KDM2B: variants seen among roughly 807,000 people sequenced by gnomAD.
KDM2B encodes the protein lysine-specific demethylase 2B.
Under a neutral mutation model 150.0 loss-of-function variants are expected in KDM2B, and 26 were observed. That is an observed-to-expected ratio of 0.17 (90% CI 0.13 to 0.24). The LOEUF is 0.24. Ranked by LOEUF, KDM2B falls within the 10% of genes least tolerant of loss-of-function variation. The pLI is 1.00. For missense variants in KDM2B, 1,265 were observed against 1,816.9 expected (o/e 0.70, Z 5.52); for synonymous variants, 734 against 729.5 (o/e 1.01, Z -0.10).
chr12:121,577,307 C>T (rs1891564320), intron 2 of KDM2B, among the ~76,000 whole-genome samples: 1 of 152,146 alleles, frequency 6.6e-6, no homozygotes, highest in East Asian at 1.9e-4. Context: ...GAATTCCTCC[C>T]AAATGACTAG....
intron 4 of KDM2B, among the ~76,000 whole-genome samples, chr12:121,555,038 T>C (rs1889793733): frequency 6.6e-6 from 1 of 152,074 alleles, no homozygotes; most frequent in African/African-American, 2.4e-5. Flanking sequence ...ATTTAAAAAT[T>C]ATCTGTGCAT....
Position 121,443,788 on chromosome 12 carries a change from T to G in KDM2B, c.2457A>C (p.Ser819=). The G allele has an allele frequency of 6.3e-7, 1 of 1,590,828 alleles. No individual in the cohort carries two copies. The highest frequency in any genetic ancestry group is 8.6e-7 in the Non-Finnish European group (1 of 1,167,156). The part of the protein sequence containing the change: ...PQELSGRKRA[S]SLQTSPGSSS... ...AGGAACCGGGGGACGTTTGAAGCGA[T>G]GAGGCCTAAAGGGGGGTGGAGTGGG... Residue 819 remains serine (S), a synonymous_variant, in exon 17 of 23, where the codon TCA becomes TCC. Transcript: ENST00000377071.
intron 2 of KDM2B, among the ~76,000 whole-genome samples, chr12:121,578,016 G>C (rs1422845255): frequency 2.0e-5 from 3 of 152,190 alleles, no homozygotes; most frequent in Non-Finnish European, 4.4e-5. Flanking sequence ...TCTCAATTGG[G>C]TGGGCCCACA....
intron 6 of KDM2B, among the ~76,000 whole-genome samples, chr12:121,545,662 C>T (rs77076597): frequency 1.3e-5 from 2 of 152,172 alleles, no homozygotes; most frequent in Non-Finnish European, 2.9e-5. Flanking sequence ...CACACCATGC[C>T]GTGGCCTCCT....
intron 11 of KDM2B, among the ~76,000 whole-genome samples, chr12:121,506,990 G>A (rs766978307): frequency 1.3e-5 from 2 of 151,832 alleles, no homozygotes; most frequent in Non-Finnish European, 2.9e-5. Context: ...CCAGCTACTC[G>A]GGAGGCTGAG....
chr12:121,507,935 T>G (rs1555303195), intron 11 of KDM2B, among the ~76,000 whole-genome samples: 2 of 152,130 alleles, frequency 1.3e-5, no homozygotes, highest in Admixed American at 1.3e-4. Context: ...CACTTGAGCC[T>G]GGGAGGTCGA....
chr12:121,547,482 G>A (rs1889147305), intron 6 of KDM2B, among the ~76,000 whole-genome samples: 1 of 152,120 alleles, frequency 6.6e-6, no homozygotes, highest in Non-Finnish European at 1.5e-5. Flanking sequence ...CTGAATTAAG[G>A]GCTGAGTGAA....
intron 6 of KDM2B, among the ~76,000 whole-genome samples, chr12:121,545,783 G>A (rs1202853077): frequency 1.3e-5 from 2 of 152,132 alleles, no homozygotes; most frequent in Non-Finnish European, 2.9e-5. Flanking sequence ...GATTCCAGCT[G>A]TTCTTACAGG....
intron 3 of KDM2B, 116 bp from the exon 4 acceptor site, chr12:121,574,709 A>T: frequency 1.1e-6 from 1 of 910,654 alleles, no homozygotes; most frequent in Non-Finnish European, 1.7e-6. Context: ...TCAGTTTGGG[A>T]ACTCAAAATG....
At chr12:121,433,578 A>G (rs563086890) in intron 22 of KDM2B, among the ~76,000 whole-genome samples, 45 of 152,334 alleles carry the variant, frequency 3.0e-4, no homozygotes, top group African/African-American at 1.1e-3. Flanking sequence ...AGCATTGCTG[A>G]AAAAAACTAA....
chr12:121,580,473 C>T, intron 1 of KDM2B: 2 of 1,190,770 alleles, frequency 1.7e-6, no homozygotes, highest in East Asian at 4.9e-5. Context: ...ACGAGTGCGC[C>T]TCTGCACGCA....
Position 121,574,580 on chromosome 12 carries a change from C to T in KDM2B, c.364G>A (p.Asp122Asn), listed in dbSNP as rs200568346. ...AGTTTGACGTCTCGGACTGTGAAAT[C>T]AGGGTCAGGCATCCTGGGGAAAGAG... ...DGLGIKMPDP[D>N]FTVRDVKLLV... is the part of the protein sequence containing the mutation. Residue 122 changes from aspartate to asparagine, a missense_variant, in exon 4 of 23, where the codon GAT becomes AAT. Physicochemically the swap from Asp to Asn is conservative, Grantham distance 23. Coordinates refer to ENST00000377071, the MANE Select transcript of KDM2B (RefSeq NM_032590.5). 1.3e-4 allele frequency: 217 copies of T among 1,613,884 alleles called. No homozygotes were observed. The highest frequency in any genetic ancestry group is 1.7e-4 in the Non-Finnish European group (204 of 1,179,920).
the KDM2B span, chr12:121,409,360 A>T: frequency 1.3e-5 from 2 of 152,186 alleles, no homozygotes; most frequent in Non-Finnish European, 2.9e-5. Context: ...CAACAGAAAA[A>T]CATGTAGACA....
chr12:121,516,718 G>C, intron 9 of KDM2B: 1 of 631,282 alleles, frequency 1.6e-6, no homozygotes, highest in East Asian at 2.7e-5. Context: ...GCCCTTCCTC[G>C]GAGGTCCAAG....
chr12:121,458,318 C>A (rs1022146539), intron 12 of KDM2B, among the ~76,000 whole-genome samples: 1 of 152,034 alleles, frequency 6.6e-6, no homozygotes, highest in Non-Finnish European at 1.5e-5. Flanking sequence ...AGAGGTTGCA[C>A]TGAGCTGAGA....
At chr12:121,538,828 C>T (rs994733838) in intron 6 of KDM2B, among the ~76,000 whole-genome samples, 1 of 152,132 alleles carries the variant, frequency 6.6e-6, no homozygotes, top group African/African-American at 2.4e-5. Flanking sequence ...AGTCCCTCAG[C>T]TTTGCCCCCA....
intron 4 of KDM2B, among the ~76,000 whole-genome samples, chr12:121,563,582 G>A (rs1178480521): frequency 1.3e-5 from 2 of 151,480 alleles, no homozygotes; most frequent in Non-Finnish European, 2.9e-5. Flanking sequence ...ACTTCAGCCT[G>A]GGTGATAGAG....
chr12:121,459,338 A>G (rs1878763672), intron 12 of KDM2B, among the ~76,000 whole-genome samples: 1 of 152,204 alleles, frequency 6.6e-6, no homozygotes, highest in African/African-American at 2.4e-5. Flanking sequence ...CAAAAGAACA[A>G]AGATAGACCC....
chr12:121,523,026 A>G (rs936080096), intron 8 of KDM2B, among the ~76,000 whole-genome samples: 1 of 152,226 alleles, frequency 6.6e-6, no homozygotes, highest in Non-Finnish European at 1.5e-5. Flanking sequence ...CTCAGGTGAC[A>G]TGTGTGTGGC....
Sources: allele counts gnomAD v4.1 joint callset (sites outside exome capture counted in the v4.1 genomes callset), GRCh38; gene constraint gnomAD v4.1.1; transcripts MANE v1.5; gene names NCBI Gene and HGNC (gene_info 2026-07-23, HGNC 2026-07-21).